Variants in DGKI observed in about 807,000 individuals in gnomAD.
The protein encoded by DGKI is diacylglycerol kinase iota, also known as DAG kinase iota.
DGKI carries 55 observed loss-of-function variants against 147.5 expected under a neutral mutation model. The observed-to-expected ratio is 0.37, with a 90% CI of 0.30 to 0.47. The LOEUF is 0.47. Among genes scored for constraint, DGKI ranks in the 20% least tolerant of loss-of-function variants. The pLI is 1.00. For synonymous variants in DGKI, 469 were observed against 477.1 expected, an observed-to-expected ratio of 0.98 and a Z score of 0.22; for missense variants, 1,007 against 1,323.8, an observed-to-expected ratio of 0.76 and a Z score of 3.71.
At position 137,572,646 on chromosome 7, in the gene DGKI, A is replaced by G. The variant is rs535784853; in HGVS notation, c.1835+119T>C. ...GAATTATCAGACCTAGAAATCTTTA[A>G]TTACCCATTTAGATAACTGATCTTC... On this transcript the variant is annotated intron_variant, in intron 18 of 32. Coordinates refer to ENST00000614521, the MANE Select transcript of DGKI (RefSeq NM_001321708.2). The G allele has an allele frequency of 1.2e-5, 8 of 672,070 alleles. No individual in the cohort carries two copies. In the East Asian group the frequency reaches 2.1e-4, roughly 18 times the overall value. The allele number at this position is 672,070 out of a possible 1,614,324, so 41.6% of individuals were successfully genotyped here. A position where few individuals can be genotyped will look rare whatever the true frequency, so the allele number is the denominator to read the frequency against.
intron 28 of DGKI, among the ~76,000 whole-genome samples, chr7:137,441,977 T>C (rs1202572298): frequency 6.6e-6 from 1 of 152,174 alleles, no homozygotes; most frequent in Non-Finnish European, 1.5e-5. Context: ...GAAGGAAATA[T>C]ATTTTGAGTG....
intron 12 of DGKI, among the ~76,000 whole-genome samples, chr7:137,597,308 A>G (rs1819830058): frequency 6.6e-6 from 1 of 152,210 alleles, no homozygotes; most frequent in African/African-American, 2.4e-5. Context: ...TGACTTGATC[A>G]TTATACATTC....
intron 20 of DGKI, among the ~76,000 whole-genome samples, chr7:137,530,864 T>A (rs1202681068): frequency 1.3e-5 from 2 of 152,168 alleles, no homozygotes; most frequent in African/African-American, 4.8e-5. Context: ...CCTTCAGGTA[T>A]CGAGTTGAGC....
chr7:137,718,079 C>T (rs1391832957), intron 1 of DGKI, among the ~76,000 whole-genome samples: 1 of 152,086 alleles, frequency 6.6e-6, no homozygotes, highest in East Asian at 1.9e-4. Context: ...AATGGTGCTG[C>T]CCACTCACAG....
intron 8 of DGKI, among the ~76,000 whole-genome samples, chr7:137,618,848 T>C (rs1371548371): frequency 6.6e-6 from 1 of 152,078 alleles, no homozygotes; most frequent in Non-Finnish European, 1.5e-5. Flanking sequence ...TGGAAAAAAA[T>C]ATCCCAAGGG....
Position 137,552,560 on chromosome 7 carries a change from C to T in DGKI, c.1956G>A (p.Leu652=). 1.2e-6 allele frequency: 2 copies of T among 1,613,940 alleles called. No homozygotes were observed. The highest frequency in any genetic ancestry group is 1.7e-6 in the Non-Finnish European group (2 of 1,179,974). ...IGFTMASLAA[L]QVGGHGERLH... is the part of the protein sequence containing the mutation. Reference sequence around the variant, plus strand: ...GCCTCTCTCCATGGCCCCCAACTTGCAGGGCTGCCTATAAAAACAAGAGTC... The same window carrying T: ...GCCTCTCTCCATGGCCCCCAACTTGTAGGGCTGCCTATAAAAACAAGAGTC... The change falls in exon 20 of 33, where the codon CTG becomes CTA. Residue 652 remains leucine, a synonymous_variant. Coordinates refer to ENST00000614521, the MANE Select transcript of DGKI (RefSeq NM_001321708.2).
At chr7:137,685,072 C>A (rs987991244) in intron 2 of DGKI, among the ~76,000 whole-genome samples, 3 of 152,174 alleles carry the variant, frequency 2.0e-5, no homozygotes, top group African/African-American at 7.2e-5. Flanking sequence ...TTAATCTTGT[C>A]CCTGAACCAA....
At chr7:137,675,505 T>A (rs537573854) in intron 3 of DGKI, among the ~76,000 whole-genome samples, 1 of 151,826 alleles carries the variant, frequency 6.6e-6, no homozygotes, top group East Asian at 1.9e-4. Context: ...GTCAACCTGG[T>A]GAAACCCCGT....
chr7:137,400,948 G>A (rs1308517796), intron 30 of DGKI, among the ~76,000 whole-genome samples: 1 of 152,158 alleles, frequency 6.6e-6, no homozygotes, highest in Non-Finnish European at 1.5e-5. Flanking sequence ...AAAAGCACAG[G>A]TACATTTTCT....
chr7:137,776,675 C>T (rs942955411), intron 1 of DGKI, among the ~76,000 whole-genome samples: 3 of 152,130 alleles, frequency 2.0e-5, no homozygotes, highest in Non-Finnish European at 4.4e-5. Flanking sequence ...ACCACGCAAT[C>T]GATCATCTAT....
chr7:137,538,960 G>T (rs1817602316), intron 20 of DGKI, among the ~76,000 whole-genome samples: 1 of 152,032 alleles, frequency 6.6e-6, no homozygotes, highest in African/African-American at 2.4e-5. Flanking sequence ...GGAGCAGAGA[G>T]AAAGAGCTCT....
intron 1 of DGKI, among the ~76,000 whole-genome samples, chr7:137,785,493 C>G (rs1478371077): frequency 6.9e-6 from 1 of 144,742 alleles, no homozygotes; most frequent in Non-Finnish European, 1.5e-5. Context: ...AAATTGCCAA[C>G]AAAAAAAAAA....
chr7:137,636,079 T>C (rs1821301050), intron 6 of DGKI, among the ~76,000 whole-genome samples: 1 of 152,188 alleles, frequency 6.6e-6, no homozygotes, highest in Non-Finnish European at 1.5e-5. Context: ...GATCTAGCTG[T>C]TACCTGACAA....
intron 1 of DGKI, chr7:137,722,018 C>G (rs1391775213): frequency 4.1e-5 from 65 of 1,584,604 alleles, no homozygotes; most frequent in Non-Finnish European, 5.5e-5. Flanking sequence ...AAGCCAGATA[C>G]TAAAGAGAAG....
chr7:137,828,319 A>G (rs1266621473), intron 1 of DGKI, among the ~76,000 whole-genome samples: 1 of 152,268 alleles, frequency 6.6e-6, no homozygotes, highest in East Asian at 1.9e-4. Flanking sequence ...TTTTGCACAT[A>G]TAACAAATTA....
At chr7:137,833,585 A>G (rs568789697) in intron 1 of DGKI, among the ~76,000 whole-genome samples, 69 of 152,322 alleles carry the variant, frequency 4.5e-4, no homozygotes, top group African/African-American at 1.6e-3. Flanking sequence ...AAACCATATC[A>G]CAACCTATGC....
intron 17 of DGKI, among the ~76,000 whole-genome samples, chr7:137,576,049 T>C (rs938612959): frequency 1.3e-5 from 2 of 149,744 alleles, no homozygotes; most frequent in Admixed American, 6.6e-5. Context: ...TTTTCTTTTT[T>C]TTTTTTTTAG....
intron 28 of DGKI, among the ~76,000 whole-genome samples, chr7:137,427,616 G>C (rs527317580): frequency 2.0e-5 from 3 of 152,126 alleles, no homozygotes; most frequent in African/African-American, 7.2e-5. Context: ...CCAGGAGCTG[G>C]TTTTTTGAAA....
At chr7:137,447,993 T>C (rs1309766935) in intron 27 of DGKI, among the ~76,000 whole-genome samples, 3 of 152,118 alleles carry the variant, frequency 2.0e-5, no homozygotes, top group African/African-American at 7.2e-5. Context: ...TTAAACTAGG[T>C]ATTTATAAGC....
Sources: allele counts gnomAD v4.1 joint callset (sites outside exome capture counted in the v4.1 genomes callset), GRCh38; gene constraint gnomAD v4.1.1; transcripts MANE v1.5; gene names NCBI Gene and HGNC (gene_info 2026-07-23, HGNC 2026-07-21).